Variants in NCAM2 observed in about 807,000 individuals in gnomAD.
The protein encoded by NCAM2 is neural cell adhesion molecule 2.
NCAM2 carries 30 observed loss-of-function variants against 98.1 expected under a neutral mutation model. The observed-to-expected ratio is 0.31, with a 90% CI of 0.23 to 0.41. The LOEUF (loss-of-function observed/expected upper bound fraction) is 0.41, where lower values mean the gene tolerates loss of function less well. Ranked by LOEUF, NCAM2 falls within the 10% of genes least tolerant of loss-of-function variation. NCAM2 has a pLI of 1.00. For missense variants in NCAM2, 867 were observed against 1,005.8 expected, an observed-to-expected ratio of 0.86 and a Z score of 1.87; for synonymous variants, 368 against 342.4, an observed-to-expected ratio of 1.07 and a Z score of -0.83.
chr21:21,016,341 A>G (rs774054648), intron 1 of NCAM2, among the ~76,000 whole-genome samples: 10 of 152,248 alleles, frequency 6.6e-5, no homozygotes, highest in Non-Finnish European at 1.2e-4. Flanking sequence ...TGCAAACAAT[A>G]TCAAAGCCAA....
At chr21:21,467,105 C>A (rs943088542) in intron 13 of NCAM2, among the ~76,000 whole-genome samples, 5 of 151,734 alleles carry the variant, frequency 3.3e-5, no homozygotes, top group Non-Finnish European at 5.9e-5. Flanking sequence ...TGACTATTGA[C>A]CTTGTTCCAC....
chr21:21,475,998 T>C (rs963030606), intron 14 of NCAM2, among the ~76,000 whole-genome samples: 3 of 152,196 alleles, frequency 2.0e-5, no homozygotes, highest in Non-Finnish European at 4.4e-5. Context: ...GTTTGAGTAC[T>C]GTCAATTTAA....
chr21:21,248,539 G>A (rs1359047570), intron 1 of NCAM2, among the ~76,000 whole-genome samples: 4 of 151,884 alleles, frequency 2.6e-5, no homozygotes, highest in Non-Finnish European at 4.4e-5. Context: ...CACTTTGGGA[G>A]GCCGAGGCAA....
At chr21:21,403,300 A>G (rs2076670872) in intron 9 of NCAM2, among the ~76,000 whole-genome samples, 1 of 152,296 alleles carries the variant, frequency 6.6e-6, no homozygotes, top group East Asian at 1.9e-4. Flanking sequence ...TTGCAGTTAT[A>G]TAACAATATA....
intron 15 of NCAM2, 145 bp from the exon 16 acceptor site, chr21:21,508,706 A>T (rs1988146713): frequency 3.3e-6 from 2 of 598,128 alleles, no homozygotes; most frequent in Middle Eastern, 4.9e-4. Flanking sequence ...TCTGCCGGTT[A>T]CTATGACTTT....
At chr21:21,156,667 T>C (rs1351106626) in intron 1 of NCAM2, among the ~76,000 whole-genome samples, 10 of 152,058 alleles carry the variant, frequency 6.6e-5, no homozygotes, top group Admixed American at 3.3e-4. Flanking sequence ...AGTATGGTAT[T>C]CTTTAATGAT....
chr21:21,284,577 G>T (rs976651514), intron 3 of NCAM2, among the ~76,000 whole-genome samples, 177 bp downstream of exon 3: 6 of 151,574 alleles, frequency 4.0e-5, no homozygotes, highest in African/African-American at 1.5e-4. Context: ...ATAATAAGTG[G>T]TTATAAACAT....
intron 1 of NCAM2, among the ~76,000 whole-genome samples, chr21:21,158,295 C>G (rs577374001): frequency 1.6e-4 from 24 of 152,046 alleles, no homozygotes; most frequent in Non-Finnish European, 3.2e-4. Context: ...ATATATGGAC[C>G]ACATATACAA....
At chr21:21,514,104 A>G (rs957363925) in intron 16 of NCAM2, among the ~76,000 whole-genome samples, 1 of 151,208 alleles carries the variant, frequency 6.6e-6, no homozygotes, top group African/African-American at 2.4e-5. Flanking sequence ...TATACAATTT[A>G]TTATAAGTAT....
chr21:21,536,273 T>C (rs1262485992), intron 17 of NCAM2, among the ~76,000 whole-genome samples: 1 of 152,120 alleles, frequency 6.6e-6, no homozygotes, highest in Non-Finnish European at 1.5e-5. Flanking sequence ...TTTACCCTTC[T>C]CATTCAAAAA....
intron 1 of NCAM2, among the ~76,000 whole-genome samples, chr21:21,259,370 G>T (rs759630128): frequency 6.6e-6 from 1 of 151,506 alleles, no homozygotes; most frequent in Non-Finnish European, 1.5e-5. Flanking sequence ...ACTGAAAGTC[G>T]TAAGTCCTGC....
intron 15 of NCAM2, among the ~76,000 whole-genome samples, chr21:21,500,439 A>G (rs1987551824): frequency 6.6e-6 from 1 of 152,142 alleles, no homozygotes; most frequent in African/African-American, 2.4e-5. Context: ...TGTTCAGAGA[A>G]ATGGAAATAG....
chr21:21,211,411 G>T (rs2826737), intron 1 of NCAM2, among the ~76,000 whole-genome samples: 4 of 151,936 alleles, frequency 2.6e-5, no homozygotes, highest in Non-Finnish European at 4.4e-5. Context: ...ACTCTAGTCC[G>T]ATTCAAATCT....
chr21:21,113,185 C>A (rs2066488279), intron 1 of NCAM2, among the ~76,000 whole-genome samples: 1 of 152,180 alleles, frequency 6.6e-6, no homozygotes, highest in Admixed American at 6.5e-5. Context: ...ATAATGCTCA[C>A]ACAGTAGGTG....
chr21:21,458,684 A>G (rs368529192), intron 12 of NCAM2, among the ~76,000 whole-genome samples: 33 of 152,318 alleles, frequency 2.2e-4, no homozygotes, highest in African/African-American at 7.0e-4. Flanking sequence ...GACAAATAAA[A>G]TTGTGTTGTT....
Position 21,335,486 on chromosome 21 carries a change from C to T in NCAM2, c.738-19C>T, listed in dbSNP as rs760110841. The T allele has an allele frequency of 1.3e-6, 2 of 1,571,558 alleles. No individual in the cohort carries two copies. The highest frequency in any genetic ancestry group is 1.7e-6 in the Non-Finnish European group (2 of 1,162,952). On this transcript the variant is annotated intron_variant, in intron 6 of 17. Coordinates refer to ENST00000400546, the MANE Select transcript of NCAM2 (RefSeq NM_004540.5). ...ATAAAGCCAGATCTGTGAGGATGAA[C>T]CTCTTTTTTCTTCTTTAGGAATGGC...
intron 1 of NCAM2, among the ~76,000 whole-genome samples, chr21:21,188,676 G>T (rs923023494): frequency 5.9e-5 from 9 of 152,128 alleles, no homozygotes; most frequent in Non-Finnish European, 1.0e-4. Flanking sequence ...ACTCAAATGT[G>T]TGTAAATTGT....
chr21:21,041,960 A>C (rs1047585514), intron 1 of NCAM2, among the ~76,000 whole-genome samples: 1 of 152,178 alleles, frequency 6.6e-6, no homozygotes, highest in Non-Finnish European at 1.5e-5. Context: ...ATATGGACAC[A>C]ATAACCAATT....
chr21:21,446,039 T>A (rs1980082347), intron 12 of NCAM2, among the ~76,000 whole-genome samples: 1 of 152,148 alleles, frequency 6.6e-6, no homozygotes, highest in Admixed American at 6.6e-5. Flanking sequence ...GGTGACAAAA[T>A]CCCTCAACAT....
Sources: gnomAD v4.1 joint callset for allele counts (sites outside exome capture counted in the v4.1 genomes callset) on GRCh38, gnomAD v4.1.1 for gene constraint, MANE v1.5 for transcripts, NCBI Gene and HGNC (gene_info 2026-07-23, HGNC 2026-07-21) for gene names.